Variants in WDR70 observed in about 807,000 individuals in gnomAD.
The protein encoded by WDR70 is WD repeat domain 70, also known as WD repeat-containing protein 70.
Under a neutral mutation model 88.6 loss-of-function variants are expected in WDR70, and 53 were observed. The ratio of observed to expected loss-of-function variants is 0.60; its 90% CI spans 0.48 to 0.75. WDR70 has a LOEUF of 0.75. WDR70 is among the 30% of genes least tolerant of loss of function. The pLI is 0.00. For missense variants in WDR70, 610 were observed against 823.2 expected, an observed-to-expected ratio of 0.74 and a Z score of 3.17; for synonymous variants, 280 against 270.0, an observed-to-expected ratio of 1.04 and a Z score of -0.36.
intron 10 of WDR70, among the ~76,000 whole-genome samples, chr5:37,663,748 C>T (rs970112574): frequency 6.6e-6 from 1 of 152,136 alleles, no homozygotes; most frequent in African/African-American, 2.4e-5. Flanking sequence ...TCTCAGCCTC[C>T]TTCCCTGCAG....
At chr5:37,602,170 T>C (rs1329540649) in intron 9 of WDR70, among the ~76,000 whole-genome samples, 3 of 152,152 alleles carry the variant, frequency 2.0e-5, no homozygotes, top group Admixed American at 2.0e-4. Flanking sequence ...TATACCTATG[T>C]AACAAAACTG....
At chr5:37,405,930 C>A (rs1749339051) in intron 5 of WDR70, among the ~76,000 whole-genome samples, 1 of 152,062 alleles carries the variant, frequency 6.6e-6, no homozygotes, top group Non-Finnish European at 1.5e-5. Context: ...GTAATTCCAG[C>A]TACTCAGGAG....
intron 10 of WDR70, among the ~76,000 whole-genome samples, chr5:37,622,061 G>A (rs987197296): frequency 2.0e-5 from 3 of 152,040 alleles, no homozygotes; most frequent in South Asian, 4.1e-4. Context: ...TTATTTCTGC[G>A]GGCTCTGTTC....
intron 8 of WDR70, among the ~76,000 whole-genome samples, chr5:37,511,994 T>G (rs1185009812): frequency 6.6e-6 from 1 of 152,216 alleles, no homozygotes; most frequent in Non-Finnish European, 1.5e-5. Context: ...ACAAACTTGG[T>G]GGCTGAAAAC....
intron 17 of WDR70, among the ~76,000 whole-genome samples, chr5:37,734,889 G>T (rs112167988): frequency 5.8e-4 from 88 of 152,182 alleles, no homozygotes; most frequent in African/African-American, 1.9e-3. Context: ...AGCCATCCTG[G>T]CATCTTTGAT....
chr5:37,542,845 A>G (rs1192037398), intron 9 of WDR70, among the ~76,000 whole-genome samples: 1 of 152,340 alleles, frequency 6.6e-6, no homozygotes, highest in East Asian at 1.9e-4. Flanking sequence ...AAATATGACC[A>G]CAATTCTTCA....
chr5:37,563,037 C>CT (rs1742567120), intron 9 of WDR70, among the ~76,000 whole-genome samples: 1 of 115,372 alleles, frequency 8.7e-6, no homozygotes, highest in East Asian at 2.5e-4. Flanking sequence ...GGCAGAGGCG[C>CT]CCCTCACCTC....
At position 37,535,311 on chromosome 5, in the gene WDR70, A is replaced by G. The variant is rs1284014685; in HGVS notation, c.917+18721A>G. On this transcript the variant is annotated intron_variant, in intron 9 of 17. Transcript: ENST00000265107. ...CCTGGACAAAATCCTATTATATTTA[A>G]TGGCCTTGAAATGTGAATGCAATAT... is the stretch of plus-strand genomic sequence containing the variant. 3.9e-5 allele frequency among the ~76,000 whole-genome samples: 6 copies of G among 152,144 alleles called. No individual in the cohort carries two copies. The South Asian group carries it at 1.2e-3, about 32-fold the overall frequency.
chr5:37,438,724 G>A (rs1283449453), intron 6 of WDR70, among the ~76,000 whole-genome samples: 1 of 151,620 alleles, frequency 6.6e-6, no homozygotes, highest in African/African-American at 2.4e-5. Context: ...ATATAAACAG[G>A]GTCATTCTTA....
rs148958318 is a variant in WDR70 at position 37,708,248 on chromosome 5, A to T, written c.1416+5161A>T. ...ATGTTCTCTAAAAAAGAAAACTGAA[A>T]ATATTAAGTATCTGGTGTGTTCTGT... is the stretch of plus-strand genomic sequence containing the variant. On this transcript the variant is annotated intron_variant, in intron 13 of 17. Coordinates refer to ENST00000265107, the MANE Select transcript of WDR70 (RefSeq NM_018034.4). 5.2e-4 allele frequency among the ~76,000 whole-genome samples: 79 copies of T among 151,426 alleles called. 1 individual carries two copies. The highest frequency in any genetic ancestry group is 4.0e-3 in the Admixed American group (61 of 15,178).
At chr5:37,513,710 A>G (rs1287679242) in intron 8 of WDR70, among the ~76,000 whole-genome samples, 1 of 152,178 alleles carries the variant, frequency 6.6e-6, no homozygotes, top group Non-Finnish European at 1.5e-5. Flanking sequence ...AACATCCAGC[A>G]TGGGAGAAAG....
At chr5:37,524,275 T>G (rs1010063054) in intron 9 of WDR70, among the ~76,000 whole-genome samples, 31 of 152,316 alleles carry the variant, frequency 2.0e-4, no homozygotes, top group African/African-American at 7.0e-4. Flanking sequence ...GAATAACAGC[T>G]GATTTCTCGG....
intron 10 of WDR70, among the ~76,000 whole-genome samples, chr5:37,623,075 T>C (rs553591168): frequency 2.0e-5 from 3 of 152,148 alleles, no homozygotes; most frequent in Non-Finnish European, 4.4e-5. Flanking sequence ...AGGCAAAAGT[T>C]ATGGCGGTAT....
chr5:37,523,315 T>C (rs187655595), intron 9 of WDR70, among the ~76,000 whole-genome samples: 1 of 152,344 alleles, frequency 6.6e-6, no homozygotes, highest in African/African-American at 2.4e-5. Context: ...CAACATTTGC[T>C]GTTCAGCAAT....
chr5:37,707,466 G>A (rs1187967472), intron 13 of WDR70, among the ~76,000 whole-genome samples: 1 of 152,116 alleles, frequency 6.6e-6, no homozygotes, highest in Non-Finnish European at 1.5e-5. Flanking sequence ...AATACTGGCT[G>A]AACAAAATGA....
At chr5:37,652,419 T>C (rs1914510) in intron 10 of WDR70, among the ~76,000 whole-genome samples, 147,686 of 152,280 alleles carry the variant, frequency 0.97, 71,792 homozygotes, top group Non-Finnish European at 1. Flanking sequence ...CTTGGCTATG[T>C]GGGCTCTTTT....
At chr5:37,401,901 C>T (rs1019549006) in intron 5 of WDR70, among the ~76,000 whole-genome samples, 2 of 152,058 alleles carry the variant, frequency 1.3e-5, no homozygotes, top group East Asian at 1.9e-4. Context: ...ATATCCATTG[C>T]GTAAAACACT....
intron 9 of WDR70, among the ~76,000 whole-genome samples, chr5:37,601,654 GTTTT>G (rs752913990): frequency 8.0e-5 from 12 of 150,924 alleles, no homozygotes; most frequent in Middle Eastern, 3.4e-3. Context: ...TCAGGTCCTG[GTTTT>G]TTTTTGATGG....
At chr5:37,570,950 G>A (rs188732028) in intron 9 of WDR70, among the ~76,000 whole-genome samples, 2 of 152,092 alleles carry the variant, frequency 1.3e-5, no homozygotes, top group African/African-American at 4.8e-5. Context: ...TCTCATAGAT[G>A]GTTTTGTGTA....
Sources: gnomAD v4.1 joint callset for allele counts (sites outside exome capture counted in the v4.1 genomes callset) on GRCh38, gnomAD v4.1.1 for gene constraint, MANE v1.5 for transcripts, NCBI Gene and HGNC (gene_info 2026-07-23, HGNC 2026-07-21) for gene names.